The following TTC39B variants were observed in gnomAD, a reference collection of about 807,000 sequenced individuals.
TTC39B encodes tetratricopeptide repeat protein 39B.
In TTC39B, 92 loss-of-function variants were observed where a neutral mutation model predicts 96.6. The observed-to-expected ratio is 0.95, with a 90% CI of 0.80 to 1.13. The LOEUF is 1.13. Ranked by LOEUF, TTC39B falls within the 50% of genes most tolerant of loss-of-function variation. The pLI, the probability that TTC39B is intolerant of heterozygous loss-of-function variation, is 0.00. For synonymous variants in TTC39B, 367 were observed against 299.4 expected (o/e 1.23, Z -2.33); for missense variants, 955 against 809.3 (o/e 1.18, Z -2.18).
intron 2 of TTC39B, among the ~76,000 whole-genome samples, chr9:15,247,404 T>C (rs906505164): frequency 3.9e-5 from 6 of 152,158 alleles, no homozygotes; most frequent in African/African-American, 7.2e-5. Flanking sequence ...AGATGTGCTA[T>C]AATATCTCTC....
At chr9:15,180,612 G>GT (rs1818199807) in intron 17 of TTC39B, among the ~76,000 whole-genome samples, 2 of 152,158 alleles carry the variant, frequency 1.3e-5, no homozygotes, top group African/African-American at 4.8e-5. Context: ...GGGGGTGGGG[G>GT]ATGGGGTGGA....
At chr9:15,218,286 G>C (rs967526775) in intron 3 of TTC39B, among the ~76,000 whole-genome samples, 7 of 151,232 alleles carry the variant, frequency 4.6e-5, no homozygotes. Flanking sequence ...CTGGAAATTA[G>C]AAGTCAGCCA....
chr9:15,264,463 G>A (rs924134468), intron 2 of TTC39B, among the ~76,000 whole-genome samples: 38 of 151,970 alleles, frequency 2.5e-4, no homozygotes, highest in African/African-American at 9.2e-4. Context: ...AGATCAGCCT[G>A]GCCAACATAG....
chr9:15,233,713 C>T (rs1488701720), intron 2 of TTC39B, among the ~76,000 whole-genome samples: 1 of 152,146 alleles, frequency 6.6e-6, no homozygotes, highest in African/African-American at 2.4e-5. Flanking sequence ...CTACAACATC[C>T]ACCTCCCAGC....
chr9:15,218,363 T>C (rs914706922), intron 3 of TTC39B, among the ~76,000 whole-genome samples: 1 of 152,104 alleles, frequency 6.6e-6, no homozygotes, highest in Admixed American at 6.5e-5. Context: ...GGCTCATCTT[T>C]GAAGTGCTCT....
At chr9:15,231,394 A>G (rs532457901) in intron 2 of TTC39B, among the ~76,000 whole-genome samples, 5 of 152,332 alleles carry the variant, frequency 3.3e-5, no homozygotes, top group East Asian at 1.9e-4. Flanking sequence ...GTTTTTGTCC[A>G]TGAGATATGG....
At chr9:15,230,540 G>A (rs1821362571) in intron 2 of TTC39B, among the ~76,000 whole-genome samples, 1 of 152,130 alleles carries the variant, frequency 6.6e-6, no homozygotes, top group African/African-American at 2.4e-5. Flanking sequence ...CATTCATGTG[G>A]TATCATGTAA....
chr9:15,273,114 G>A lies in TTC39B; in HGVS notation c.241-5166C>T, dbSNP rs7848997. ...AAATGCATGCAAGAACATTTGAGTG[G>A]AAGAGCAGGTTCTTGATGTTCATTT... On this transcript the variant is annotated intron_variant, in intron 1 of 19. Transcript: ENST00000512701. 8.8e-3 allele frequency among the ~76,000 whole-genome samples: 1,341 copies of A among 152,280 alleles called. 21 individuals are homozygous for A. Among genetic ancestry groups the A allele is most frequent in the African/African-American group, 0.031 (1,298 of 41,548 alleles).
chr9:15,196,764 A>C (rs1199187218), intron 8 of TTC39B, among the ~76,000 whole-genome samples: 1 of 152,244 alleles, frequency 6.6e-6, no homozygotes, highest in Non-Finnish European at 1.5e-5. Context: ...ATTTGAGAGC[A>C]TGGATCTAAC....
intron 1 of TTC39B, among the ~76,000 whole-genome samples, chr9:15,290,411 T>G (rs1304252274): frequency 1.3e-5 from 2 of 152,174 alleles, no homozygotes; most frequent in Non-Finnish European, 2.9e-5. Flanking sequence ...CCAGGTGGTC[T>G]CCTTCACAAA....
At chr9:15,242,863 TG>T (rs1248076861) in intron 2 of TTC39B, among the ~76,000 whole-genome samples, 5 of 152,246 alleles carry the variant, frequency 3.3e-5, no homozygotes, top group African/African-American at 4.8e-5. Context: ...AAAATAAAAA[TG>T]TTTTTTTAAA....
chr9:15,270,514 C>T lies in TTC39B; in HGVS notation c.241-2566G>A, dbSNP rs376665251. Among the ~76,000 whole-genome samples, 9 of 151,466 alleles carry T rather than the reference C, an allele frequency of 5.9e-5. No individual in the cohort carries two copies. The East Asian group carries it at 1.2e-3, about 20-fold the overall frequency. ...GACACTAAAATACTTACTGAGTGAGCGACGCAAAGGATAACTTGGGAAGCC... is the reference window on the plus strand; with the variant it reads ...GACACTAAAATACTTACTGAGTGAGTGACGCAAAGGATAACTTGGGAAGCC... On this transcript the variant is annotated intron_variant, in intron 1 of 19. Coordinates refer to ENST00000512701, the Ensembl canonical transcript of TTC39B.
chr9:15,177,919 G>T (rs1818036298), intron 17 of TTC39B, 105 bp from the exon 18 acceptor site: 1 of 646,944 alleles, frequency 1.5e-6, no homozygotes, highest in Non-Finnish European at 2.4e-6. Flanking sequence ...ACCCAGGCTG[G>T]AGTGCAGTGG....
chr9:15,273,476 CCCT>C (rs1337302609), intron 1 of TTC39B, among the ~76,000 whole-genome samples: 3 of 152,126 alleles, frequency 2.0e-5, no homozygotes, highest in Non-Finnish European at 4.4e-5. Context: ...CCACATTCCT[CCCT>C]CCTCCTCCGC....
chr9:15,233,966 GC>G (rs1250453301), intron 2 of TTC39B, among the ~76,000 whole-genome samples: 1 of 151,338 alleles, frequency 6.6e-6, no homozygotes, highest in Non-Finnish European at 1.5e-5. Context: ...TCTCTGCCCC[GC>G]CGCCCATCGT....
chr9:15,285,763 G>A (rs552308010), intron 1 of TTC39B, among the ~76,000 whole-genome samples: 2 of 152,212 alleles, frequency 1.3e-5, no homozygotes, highest in Admixed American at 6.5e-5. Context: ...GCTGAGGCAG[G>A]AGAATGGCGT....
At chr9:15,288,379 G>T (rs539178743) in intron 1 of TTC39B, among the ~76,000 whole-genome samples, 2 of 152,244 alleles carry the variant, frequency 1.3e-5, no homozygotes, top group Non-Finnish European at 2.9e-5. Flanking sequence ...GGCTCCACAA[G>T]GAAATGAACA....
At position 15,276,217 on chromosome 9, in the gene TTC39B, T is replaced by C. The variant is rs547217645; in HGVS notation, c.241-8269A>G. Among the ~76,000 whole-genome samples the C allele has an allele frequency of 3.3e-5, 5 of 152,354 alleles. No homozygotes were observed. The South Asian group carries it at 1.0e-3, about 32-fold the overall frequency. On this transcript the variant is annotated intron_variant, in intron 1 of 19. Coordinates refer to ENST00000512701, the Ensembl canonical transcript of TTC39B. ...AAGAAAGGAGTGGGTTAATTGCACC[T>C]GCCTGGCTCACCATGTGGTTTATCA... is the stretch of plus-strand genomic sequence containing the variant.
chr9:15,203,988 A>T, intron 6 of TTC39B, 98 bp from the exon 7 acceptor site: 1 of 1,086,220 alleles, frequency 9.2e-7, no homozygotes, highest in South Asian at 1.7e-5. Context: ...TGAACCCAAG[A>T]GAGACCCCAA....
Sources: gnomAD v4.1 joint callset for allele counts (sites outside exome capture counted in the v4.1 genomes callset) on GRCh38, gnomAD v4.1.1 for gene constraint, MANE v1.5 for transcripts, NCBI Gene and HGNC (gene_info 2026-07-23, HGNC 2026-07-21) for gene names.